RNF150: variants seen among roughly 807,000 people sequenced by gnomAD.
The protein encoded by RNF150 is ring finger protein 150.
Under a neutral mutation model 39.3 loss-of-function variants are expected in RNF150, and 24 were observed. The observed-to-expected ratio is 0.61, with a 90% CI of 0.44 to 0.86. The LOEUF is 0.86. Among genes scored for constraint, RNF150 ranks in the 40% least tolerant of loss-of-function variants. The pLI is 0.00. For synonymous variants in RNF150, 255 were observed against 227.3 expected (o/e 1.12, Z -1.10); for missense variants, 502 against 587.8 (o/e 0.85, Z 1.51).
chr4:141,028,119 T>C (rs1004341217), intron 1 of RNF150, among the ~76,000 whole-genome samples: 16 of 152,038 alleles, frequency 1.1e-4, no homozygotes, highest in African/African-American at 3.9e-4. Context: ...TGGGACAAGC[T>C]GGAACTAAAC....
At chr4:141,012,640 G>A (rs768498413) in intron 1 of RNF150, among the ~76,000 whole-genome samples, 31 of 151,782 alleles carry the variant, frequency 2.0e-4, no homozygotes, top group Non-Finnish European at 3.5e-4. Flanking sequence ...TGGTGAAGCC[G>A]GGAGTGGTGG....
rs867065878 is a variant in RNF150, at chr4:141,206,324, C to T, written c.-6+6470G>A. On this transcript the variant is annotated intron_variant, in intron 1 of 7. Transcript: ENST00000420921. ...AACTCAGCTACTTGGGAGGCTGAGA[C>T]AGGAGAATTGCTGGAACCTGGGAGG... 7.4e-5 allele frequency among the ~76,000 whole-genome samples: 11 copies of T among 148,602 alleles called. No homozygotes were observed. The South Asian group carries it at 2.3e-3, about 32-fold the overall frequency.
chr4:140,982,185 C>A (rs1166615003), intron 1 of RNF150, among the ~76,000 whole-genome samples: 1 of 152,158 alleles, frequency 6.6e-6, no homozygotes, highest in East Asian at 1.9e-4. Context: ...CTGATGGACT[C>A]TGAAGATATT....
chr4:141,020,965 A>G (rs1735468998), intron 1 of RNF150, among the ~76,000 whole-genome samples: 1 of 152,182 alleles, frequency 6.6e-6, no homozygotes, highest in Non-Finnish European at 1.5e-5. Context: ...ATTCAGGACT[A>G]CTGCAATAGA....
chr4:141,136,300 G>A (rs916346449), upstream of RNF150, among the ~76,000 whole-genome samples: 1 of 152,076 alleles, frequency 6.6e-6, no homozygotes, highest in Non-Finnish European at 1.5e-5. Flanking sequence ...TATGTACATT[G>A]AAGAATTTAG....
At chr4:140,998,236 G>T (rs916616277) in intron 1 of RNF150, among the ~76,000 whole-genome samples, 1 of 152,142 alleles carries the variant, frequency 6.6e-6, no homozygotes, top group African/African-American at 2.4e-5. Context: ...TTTATTGAAA[G>T]CCAAACACTC....
chr4:141,003,514 T>C (rs62326020), intron 1 of RNF150, among the ~76,000 whole-genome samples: 22,666 of 151,588 alleles, frequency 0.15, 1,898 homozygotes, highest in Middle Eastern at 0.24. Context: ...TTCTCTACTT[T>C]GGTAACATTT....
intron 2 of RNF150, among the ~76,000 whole-genome samples, chr4:140,951,213 T>G (rs746744245): frequency 6.6e-6 from 1 of 152,166 alleles, no homozygotes; most frequent in South Asian, 2.1e-4. Flanking sequence ...TTTGTTTTTA[T>G]GATCAATTCC....
intron 1 of RNF150, among the ~76,000 whole-genome samples, chr4:141,171,645 T>C (rs1578779222): frequency 6.6e-6 from 1 of 152,230 alleles, no homozygotes; most frequent in South Asian, 2.1e-4. Context: ...CACTTCACTT[T>C]CAATTGAATG....
intron 1 of RNF150, among the ~76,000 whole-genome samples, chr4:141,186,068 C>T (rs1365629322): frequency 6.6e-6 from 1 of 152,202 alleles, no homozygotes; most frequent in Non-Finnish European, 1.5e-5. Context: ...GGAGGAATCC[C>T]TCTTTTTCTA....
chr4:141,008,820 A>G (rs756612382), intron 1 of RNF150, among the ~76,000 whole-genome samples: 5 of 151,982 alleles, frequency 3.3e-5, no homozygotes, highest in Non-Finnish European at 5.9e-5. Context: ...AAGTGTTCAT[A>G]TCTGGTGGTG....
intron 4 of RNF150, among the ~76,000 whole-genome samples, chr4:140,931,914 T>G (rs1375450886): frequency 6.6e-6 from 1 of 152,256 alleles, no homozygotes; most frequent in Non-Finnish European, 1.5e-5. Flanking sequence ...TTTCTGCTGT[T>G]CTTTCACCTA....
At chr4:140,899,944 T>TCTC (rs1730114654) in intron 6 of RNF150, among the ~76,000 whole-genome samples, 2 of 110,022 alleles carry the variant, frequency 1.8e-5, no homozygotes, top group Non-Finnish European at 1.8e-5. Flanking sequence ...CTCTCTCACT[T>TCTC]TCTCTCTCTC....
At chr4:141,046,486 G>A (rs1371835665) in intron 1 of RNF150, among the ~76,000 whole-genome samples, 5 of 152,134 alleles carry the variant, frequency 3.3e-5, no homozygotes, top group Non-Finnish European at 7.3e-5. Context: ...TCATACAACT[G>A]TTATTTACTG....
rs1236302787 is a variant in RNF150 at position 140,896,384 on chromosome 4, G to C, written c.1198+14760C>G. 8.4e-3 allele frequency among the ~76,000 whole-genome samples: 153 copies of C among 18,258 alleles called. 2 individuals carry two copies. Among genetic ancestry groups the C allele is most frequent in the African/African-American group, 0.027 (129 of 4,766 alleles). The allele number at this position is 18,258 out of a possible 152,430, so 12.0% of individuals were successfully genotyped here. A position where few individuals can be genotyped will look rare whatever the true frequency, so the allele number is the denominator to read the frequency against. ...AAAAAATGATGAGTTCATATCCTTT[G>C]TAGGGACATGGATGAAATTGGAAAC... On this transcript the variant is annotated intron_variant, in intron 6 of 6. Transcript: ENST00000515673.
chr4:141,179,879 G>C (rs144035762), intron 1 of RNF150, among the ~76,000 whole-genome samples: 139 of 152,252 alleles, frequency 9.1e-4, no homozygotes, highest in African/African-American at 3.2e-3. Flanking sequence ...GCTTCACACC[G>C]CAGATGCATA....
rs1728743932 is a variant in RNF150 at position 140,867,207 on chromosome 4, T to A, written c.*1054A>T. The A allele has an allele frequency of 6.6e-6, 1 of 152,188 alleles. No homozygotes were observed. The highest frequency in any genetic ancestry group is 2.4e-5 in the African/African-American group (1 of 41,460). The allele number at this position is 152,188 out of a possible 1,614,324, so 9.4% of individuals were successfully genotyped here. On this transcript the variant is annotated 3_prime_UTR_variant, in exon 7 of 7. Coordinates refer to ENST00000515673, the MANE Select transcript of RNF150 (RefSeq NM_020724.2). ...TGTCGAAATTAAGGTAAAAGCTAGG[T>A]GCTACTGCAGCCCCCACTATGTTTG...
intron 1 of RNF150, among the ~76,000 whole-genome samples, chr4:141,034,373 T>G (rs761668981): frequency 2.6e-5 from 4 of 152,170 alleles, no homozygotes; most frequent in Admixed American, 2.6e-4. Context: ...CTTAAGGGAA[T>G]GTTGTAGCTG....
chr4:141,036,076 C>A (rs1045494679), intron 1 of RNF150, among the ~76,000 whole-genome samples: 1 of 152,166 alleles, frequency 6.6e-6, no homozygotes, highest in Admixed American at 6.5e-5. Context: ...GCATCATAAA[C>A]AAAGCTGTCA....
Sources: allele counts gnomAD v4.1 joint callset (sites outside exome capture counted in the v4.1 genomes callset), GRCh38; gene constraint gnomAD v4.1.1; transcripts MANE v1.5; gene names NCBI Gene and HGNC (gene_info 2026-07-23, HGNC 2026-07-21).